GALNT6: variants seen among roughly 807,000 people sequenced by gnomAD.
GALNT6 encodes the protein polypeptide N-acetylgalactosaminyltransferase 6, also known as GalNAc transferase 6.
In GALNT6, 51 loss-of-function variants were observed where a neutral mutation model predicts 65.9. That is an observed-to-expected ratio of 0.77 (90% CI 0.62 to 0.98). The LOEUF is 0.98. Ranked by LOEUF, GALNT6 falls within the 50% of genes least tolerant of loss-of-function variation. The probability of loss-of-function intolerance (pLI) is 0.00; values close to 1 mark genes in which losing one functional copy is unlikely to be tolerated. For synonymous variants in GALNT6, 323 were observed against 315.1 expected, an observed-to-expected ratio of 1.02 and a Z score of -0.26; for missense variants, 708 against 803.3, an observed-to-expected ratio of 0.88 and a Z score of 1.43.
intron 2 of GALNT6, among the ~76,000 whole-genome samples, chr12:51,386,778 C>A (rs943368298): frequency 6.6e-6 from 1 of 152,084 alleles, no homozygotes; most frequent in Non-Finnish European, 1.5e-5. Flanking sequence ...GGCTGTTTGG[C>A]CAAATGACCG....
chr12:51,360,773 T>C lies in GALNT6; in HGVS notation c.1115A>G (p.Tyr372Cys). The C allele has an allele frequency of 6.2e-7, 1 of 1,613,436 alleles. No individual in the cohort carries two copies. The highest frequency in any genetic ancestry group is 8.5e-7 in the Non-Finnish European group (1 of 1,179,462). The change falls in exon 7 of 12, where the codon TAT (tyrosine) becomes TGT (cysteine). Residue 372 changes from tyrosine to cysteine, a missense_variant. Physicochemically the swap from Tyr to Cys is radical, Grantham distance 194. Transcript: ENST00000356317. The stretch of plus-strand genomic sequence containing the variant: ...TCCCCAGATCTCCATCTGATTATCA[T>C]AGGTACCGATGTGCTCAAAGTAGGA... The part of the protein sequence containing the change: ...SKSYFEHIGT[Y>C]DNQMEIWGGE...
intron 6 of GALNT6, 67 bp from the exon 7 acceptor site, chr12:51,360,905 G>C: frequency 9.4e-7 from 1 of 1,061,492 alleles, no homozygotes; most frequent in Non-Finnish European, 1.4e-6. Flanking sequence ...GGCGGGGAAA[G>C]CTGTTTGTGG....
At chr12:51,377,400 T>C in intron 3 of GALNT6, 33 bp from the exon 4 acceptor site, 1 of 1,603,834 alleles carries the variant, frequency 6.2e-7, no homozygotes, top group Non-Finnish European at 8.5e-7. Context: ...AAAGTTCTCC[T>C]GGTCCCTGGG....
Position 51,364,381 on chromosome 12 carries a change from A to G in GALNT6, c.815-26T>C. On this transcript the variant is annotated intron_variant, in intron 5 of 11. Transcript: ENST00000356317. ...CTGCAGGCCCCAACCAGGAGGCAGC[A>G]GTCAGGGCCCTGCCCACAGCAGAGC... 2.0e-6 allele frequency: 3 copies of G among 1,533,380 alleles called. No individual in the cohort carries two copies. The East Asian group carries it at 6.7e-5, about 34-fold the overall frequency. The allele number at this position is 1,533,380 out of a possible 1,614,324, so 95.0% of individuals were successfully genotyped here.
chr12:51,390,693 TTG>T (rs912661605), intron 2 of GALNT6, among the ~76,000 whole-genome samples, 155 bp downstream of exon 2: 28 of 148,948 alleles, frequency 1.9e-4, no homozygotes, highest in African/African-American at 6.4e-4. Flanking sequence ...TGCCTGTAAA[TTG>T]TGTGTGTGGG....
Position 51,358,281 on chromosome 12 carries a change from C to T in GALNT6, c.1369-20G>A. On this transcript the variant is annotated intron_variant, in intron 8 of 11. Transcript: ENST00000356317. ...GGATTTCTGTCAATCAAGCCAGCCC[C>T]CTAAGGATCAGTTCCACCAGTTTTT... 1 of 1,610,842 alleles carries T rather than the reference C, an allele frequency of 6.2e-7. No homozygotes were observed. Among genetic ancestry groups the T allele is most frequent in the South Asian group, 1.1e-5 (1 of 90,680 alleles).
Position 51,357,442 on chromosome 12 carries a change from G to A in GALNT6, c.1509C>T (p.Asn503=), listed in dbSNP as rs1271237885. ...LTPTFYGAIK[N]LGTNQCLDVG... ...CATCCAGGCATTGGTTGGTGCCGAGGTTCTTGATCTGCAGAAGGGTGAGCA... is the reference window on the plus strand; with the variant it reads ...CATCCAGGCATTGGTTGGTGCCGAGATTCTTGATCTGCAGAAGGGTGAGCA... Residue 503 remains asparagine (N), a synonymous_variant, in exon 10 of 12, where the codon AAC becomes AAT. Coordinates refer to ENST00000356317, the MANE Select transcript of GALNT6 (RefSeq NM_007210.4). 6.2e-7 allele frequency: 1 copy of A among 1,612,414 alleles called. No individual in the cohort carries two copies. Among genetic ancestry groups the A allele is most frequent in the Non-Finnish European group, 8.5e-7 (1 of 1,178,392 alleles).
chr12:51,367,898 G>C (rs1245337266), intron 4 of GALNT6, among the ~76,000 whole-genome samples: 3 of 152,218 alleles, frequency 2.0e-5, no homozygotes, highest in African/African-American at 7.2e-5. Context: ...GATGGGGAAA[G>C]TAAGACTCAA....
In GALNT6 at chr12:51,359,325, T is replaced by C; in HGVS notation, c.1175A>G (p.Gln392Arg). The C allele has an allele frequency of 6.2e-7, 1 of 1,608,954 alleles. No individual in the cohort carries two copies. The highest frequency in any genetic ancestry group is 8.5e-7 in the Non-Finnish European group (1 of 1,177,236). The change falls in exon 8 of 12, where the codon CAG (glutamine) becomes CGG (arginine). Residue 392 changes from glutamine to arginine, a missense_variant. By Grantham distance (43) the Gln-to-Arg change is conservative. Transcript: ENST00000356317. ...ENVEMSFRVWQCGGQLEIIPC... is the reference protein window; with the variant it reads ...ENVEMSFRVWRCGGQLEIIPC... ...GATGATCTCCAGCTGGCCCCCACAC[T>C]GCCACACCTGATGTAAGAGGAGACA...
chr12:51,368,672 T>C (rs1947191059), intron 4 of GALNT6, among the ~76,000 whole-genome samples: 1 of 151,842 alleles, frequency 6.6e-6, no homozygotes, highest in African/African-American at 2.4e-5. Context: ...TCCCAAAGAG[T>C]TGGAATTACA....
intron 4 of GALNT6, 134 bp from the exon 5 acceptor site, chr12:51,365,713 C>A (rs1947080597): frequency 2.6e-6 from 2 of 757,120 alleles, no homozygotes; most frequent in Admixed American, 2.9e-5. Flanking sequence ...TGTACTGAGC[C>A]ATTCCACAGA....
rs192500670 is a variant in GALNT6, at chr12:51,364,236, C to G, written c.934G>C (p.Val312Leu). 1.9e-6 allele frequency: 3 copies of G among 1,613,926 alleles called. No individual in the cohort carries two copies. The highest frequency in any genetic ancestry group is 4.5e-5 in the East Asian group (2 of 44,888). Reference protein sequence around the residue: ...DLNTFEFAKPVQRGRVHSRGN... With the variant: ...DLNTFEFAKPLQRGRVHSRGN... ...CGGCTATGGACTCTGCCCCTCTGGACGGGCTTGGCGAACTCAAAAGTATTA... is the reference window on the plus strand; with the variant it reads ...CGGCTATGGACTCTGCCCCTCTGGAGGGGCTTGGCGAACTCAAAAGTATTA... Residue 312 changes from valine (V) to leucine (L), a missense_variant, in exon 6 of 12, where the codon GTC (valine) becomes CTC (leucine). Val to Leu is a conservative substitution (Grantham distance 32). Coordinates refer to ENST00000356317, the MANE Select transcript of GALNT6 (RefSeq NM_007210.4).
chr12:51,356,678 T>A (rs1946759953), intron 10 of GALNT6, among the ~76,000 whole-genome samples: 1 of 152,194 alleles, frequency 6.6e-6, no homozygotes, highest in African/African-American at 2.4e-5. Context: ...TTCCTTTAAA[T>A]TAGATTAAAA....
Position 51,377,056 on chromosome 12 carries a change from C to T in GALNT6, c.664+139G>A, listed in dbSNP as rs568719730. ...CCTGCCCCTACCTGACTTCTTCCTGCTCCTGGCCTTTAAGATGAGCTGTGA... is the reference window on the plus strand; with the variant it reads ...CCTGCCCCTACCTGACTTCTTCCTGTTCCTGGCCTTTAAGATGAGCTGTGA... On this transcript the variant is annotated intron_variant, in intron 4 of 11. Coordinates refer to ENST00000356317, the MANE Select transcript of GALNT6 (RefSeq NM_007210.4). 3.0e-5 allele frequency: 21 copies of T among 693,442 alleles called. No homozygotes were observed. In the African/African-American group the frequency reaches 3.7e-4, roughly 12 times the overall value. The allele number at this position is 693,442 out of a possible 1,614,324, so 43.0% of individuals were successfully genotyped here.
chr12:51,362,988 C>T (rs951539687), intron 6 of GALNT6, among the ~76,000 whole-genome samples: 1 of 152,076 alleles, frequency 6.6e-6, no homozygotes, highest in African/African-American at 2.4e-5. Context: ...CAGGTGTGGG[C>T]CACTGTGCCT....
Position 51,355,817 on chromosome 12 carries a change from C to A in GALNT6, c.1744G>T (p.Glu582Ter), listed in dbSNP as rs777738015. The A allele has an allele frequency of 6.2e-7, 1 of 1,613,236 alleles. No individual in the cohort carries two copies. The highest frequency in any genetic ancestry group is 8.5e-7 in the Non-Finnish European group (1 of 1,179,650). Reference sequence around the variant, plus strand: ...GGACACTGACTCACCTGGGCCAATTCCCATTCCTCGTCCTTGGGGACCTGG... The same window carrying A: ...GGACACTGACTCACCTGGGCCAATTACCATTCCTCGTCCTTGGGGACCTGG... ...NSQVPKDEEW[E>*]LAQDQLIRNS... The change falls in exon 11 of 12, where the codon GAA becomes TAA. Residue 582 changes from glutamate (E) to a stop codon, truncating the protein, a stop_gained. Transcript: ENST00000356317. LOFTEE classifies it high-confidence loss of function.
At chr12:51,382,036 G>C (rs907352) in intron 2 of GALNT6, among the ~76,000 whole-genome samples, 135,517 of 152,270 alleles carry the variant, frequency 0.89, 60,469 homozygotes, top group Middle Eastern at 0.94. Flanking sequence ...AAGTGGGGAG[G>C]TGGATTCATT....
rs916143799 is a variant in GALNT6, at chr12:51,351,443, T to G, written c.*2936A>C. On this transcript the variant is annotated 3_prime_UTR_variant, in exon 12 of 12. Transcript: ENST00000356317. ...GTTTCTCAGACCCACTGGGGCCACATGTCCTCTGTGGCTTTGCTCCTGCCA... is the reference window on the plus strand; with the variant it reads ...GTTTCTCAGACCCACTGGGGCCACAGGTCCTCTGTGGCTTTGCTCCTGCCA... 6.6e-6 allele frequency: 1 copy of G among 152,258 alleles called. No individual in the cohort carries two copies. Among genetic ancestry groups the G allele is most frequent in the Non-Finnish European group, 1.5e-5 (1 of 68,072 alleles). The allele number at this position is 152,258 out of a possible 1,614,324, so 9.4% of individuals were successfully genotyped here.
rs1439655208 is a variant in GALNT6, at chr12:51,358,137, T to C, written c.1493A>G (p.Tyr498Cys). ...MFVPDLTPTF[Y>C]GAIKNLGTNQ... ...TTGGTTCTCAAGACTTACGGCACCA[T>C]AGAAGGTGGGCGTCAGGTCAGGAAC... Residue 498 changes from tyrosine to cysteine, a missense_variant, in exon 9 of 12, where the codon TAT becomes TGT. Transcript: ENST00000356317. 1.9e-6 allele frequency: 3 copies of C among 1,613,534 alleles called. No individual in the cohort carries two copies. Among genetic ancestry groups the C allele is most frequent in the Non-Finnish European group, 1.7e-6 (2 of 1,179,618 alleles).
Sources: allele counts gnomAD v4.1 joint callset (sites outside exome capture counted in the v4.1 genomes callset), GRCh38; gene constraint gnomAD v4.1.1; transcripts MANE v1.5; gene names NCBI Gene and HGNC (gene_info 2026-07-23, HGNC 2026-07-21).